DNAH11: variants seen among roughly 807,000 people sequenced by gnomAD.
DNAH11 encodes dynein axonemal heavy chain 11.
A neutral mutation model predicts 526.0 loss-of-function variants in DNAH11; 442 were observed. That is an observed-to-expected ratio of 0.84 (90% CI 0.78 to 0.91). The LOEUF (loss-of-function observed/expected upper bound fraction) is 0.91, where lower values mean the gene tolerates loss of function less well. DNAH11 is among the 40% of genes least tolerant of loss of function. DNAH11 has a pLI of 0.00. For missense variants in DNAH11, 6,989 were observed against 5,448.7 expected, an observed-to-expected ratio of 1.28 and a Z score of -8.90; for synonymous variants, 2,461 against 1,935.9, an observed-to-expected ratio of 1.27 and a Z score of -7.12.
chr7:21,727,011 G>A (rs1353862860), intron 45 of DNAH11, among the ~76,000 whole-genome samples: 1 of 115,342 alleles, frequency 8.7e-6, no homozygotes, highest in African/African-American at 3.5e-5. Context: ...TCGGCTCACC[G>A]CAAGATCCAC....
At chr7:21,806,900 G>T (rs1789285942) in intron 62 of DNAH11, among the ~76,000 whole-genome samples, 1 of 152,090 alleles carries the variant, frequency 6.6e-6, no homozygotes, top group South Asian at 2.1e-4. Context: ...CATTCTTGGG[G>T]AGTATTGTGA....
At chr7:21,610,068 C>G (rs1273144044) in intron 20 of DNAH11, among the ~76,000 whole-genome samples, 1 of 152,126 alleles carries the variant, frequency 6.6e-6, no homozygotes. Context: ...TCCTGGCTAA[C>G]ACAGTGAAAC....
chr7:21,785,859 C>T (rs1788152820), intron 58 of DNAH11, among the ~76,000 whole-genome samples: 1 of 152,200 alleles, frequency 6.6e-6, no homozygotes, highest in Non-Finnish European at 1.5e-5. Flanking sequence ...TCAGGTTCAA[C>T]ATTTGATAAG....
In DNAH11 at chr7:21,848,624, GCT is replaced by G. The variant is rs1349378429; in HGVS notation, c.10897-3832_10897-3831del. Among the ~76,000 whole-genome samples, 15 of 148,952 alleles carry G rather than the reference GCT, an allele frequency of 1.0e-4. 1 individual carries two copies. In the Middle Eastern group the frequency reaches 0.011, roughly 112 times the overall value. ...ATATATTGGGTGCTCACTCTCACTCGCTCTCTCTCTCTGTATATATAGCTGTA... is the reference window on the plus strand; with the variant it reads ...ATATATTGGGTGCTCACTCTCACTCGCTCTCTCTCTGTATATATAGCTGTA... On this transcript the variant is annotated intron_variant, in intron 66 of 81. Transcript: ENST00000409508.
chr7:21,601,652 T>C, intron 18 of DNAH11, 34 bp downstream of exon 18: 1 of 1,441,346 alleles, frequency 6.9e-7, no homozygotes, highest in Non-Finnish European at 9.3e-7. Context: ...ATAATTACCA[T>C]AAATTGAGCA....
Position 21,742,124 on chromosome 7 carries a change from C to A in DNAH11, c.8112C>A (p.Phe2704Leu). 5 of 1,613,824 alleles carry A rather than the reference C, an allele frequency of 3.1e-6. No homozygotes were observed. The highest frequency in any genetic ancestry group is 4.2e-6 in the Non-Finnish European group (5 of 1,179,802). ...ACTTTTTACCCACGGCTATTAAATT[C>A]CACTACATCTTTAATCTGAGAGATT... ...MCNFLPTAIK[F>L]HYIFNLRDLS... Residue 2704 changes from phenylalanine to leucine, a missense_variant, in exon 49 of 82, where the codon TTC becomes TTA. By Grantham distance (22) the Phe-to-Leu change is conservative (BLOSUM62 0). Coordinates refer to ENST00000409508, the MANE Select transcript of DNAH11 (RefSeq NM_001277115.2).
intron 61 of DNAH11, among the ~76,000 whole-genome samples, chr7:21,796,090 T>C (rs997063132): frequency 1.2e-4 from 19 of 152,108 alleles, no homozygotes; most frequent in African/African-American, 4.3e-4. Flanking sequence ...AGGTGTTGGT[T>C]AAGAGGTAAG....
At chr7:21,786,574 G>T (rs1343003161) in intron 58 of DNAH11, 50 bp from the exon 59 acceptor site, 4 of 1,541,462 alleles carry the variant, frequency 2.6e-6, no homozygotes, top group Non-Finnish European at 3.5e-6. Context: ...AGCTTCTCCA[G>T]ACTTCCGCTA....
Position 21,544,469 on chromosome 7 carries a change from C to T in DNAH11, c.352-537C>T, listed in dbSNP as rs17144611. ...AAAATAAGTTTGTCAGTAGACAAGG[C>T]GATAGAACACAACTCTAGTATTACC... On this transcript the variant is annotated intron_variant, in intron 1 of 81. Transcript: ENST00000409508. Among the ~76,000 whole-genome samples the T allele has an allele frequency of 4.0e-3, 612 of 152,114 alleles. 2 individuals carry two copies. Among genetic ancestry groups the T allele is most frequent in the African/African-American group, 0.014 (586 of 41,498 alleles).
chr7:21,871,925 A>G (rs1428975768), intron 73 of DNAH11, among the ~76,000 whole-genome samples: 1 of 151,818 alleles, frequency 6.6e-6, no homozygotes, highest in African/African-American at 2.4e-5. Flanking sequence ...GATCGAGACC[A>G]TCCTGGCTAA....
At chr7:21,650,543 C>CT (rs573023157) in intron 28 of DNAH11, among the ~76,000 whole-genome samples, 4,649 of 136,654 alleles carry the variant, frequency 0.034, 170 homozygotes, top group African/African-American at 0.09. Context: ...TCTAGAAGGC[C>CT]TTTTTTTTTT....
chr7:21,706,820 A>G (rs1784281961), intron 39 of DNAH11, among the ~76,000 whole-genome samples: 1 of 152,230 alleles, frequency 6.6e-6, no homozygotes, highest in Non-Finnish European at 1.5e-5. Flanking sequence ...GTAGGTCAGC[A>G]TGATAAATAT....
chr7:21,899,449 G>A lies in DNAH11; in HGVS notation c.13162+1G>A, dbSNP rs751426263. 2.5e-6 allele frequency: 4 copies of A among 1,611,642 alleles called. No homozygotes were observed. Among genetic ancestry groups the A allele is most frequent in the Non-Finnish European group, 8.5e-7 (1 of 1,177,960 alleles). On this transcript the variant is annotated splice_donor_variant, in intron 80 of 81. Transcript: ENST00000409508. LOFTEE classifies it high-confidence loss of function. ...TTCAACCCTCAGTCCTTCTTAACTG[G>A]TAAGGGCTGACGCAGTGCAGCCCCT...
Position 21,638,974 on chromosome 7 carries a change from T to A in DNAH11, c.4853T>A (p.Leu1618Gln). 6.2e-7 allele frequency: 1 copy of A among 1,613,228 alleles called. No homozygotes were observed. The highest frequency in any genetic ancestry group is 8.5e-7 in the Non-Finnish European group (1 of 1,179,646). The part of the protein sequence containing the change: ...SLCEKALAEY[L>Q]ETKRIAFPRF... Reference sequence around the variant, plus strand: ...TGTGAAAAAGCTCTCGCTGAATACCTGGAAACCAAGCGCATAGCCTTTCCT... The same window carrying A: ...TGTGAAAAAGCTCTCGCTGAATACCAGGAAACCAAGCGCATAGCCTTTCCT... Residue 1618 changes from leucine to glutamine, a missense_variant, in exon 28 of 82, where the codon CTG becomes CAG. Leu to Gln is a moderately radical substitution (Grantham distance 113). Coordinates refer to ENST00000409508, the MANE Select transcript of DNAH11 (RefSeq NM_001277115.2).
chr7:21,578,358 C>G (rs184109505), intron 8 of DNAH11, among the ~76,000 whole-genome samples: 1 of 152,224 alleles, frequency 6.6e-6, no homozygotes, highest in Non-Finnish European at 1.5e-5. Context: ...TCTTAAAGCT[C>G]CAAAATAATC....
At chr7:21,801,736 G>C (rs1270015505) in intron 62 of DNAH11, among the ~76,000 whole-genome samples, 1 of 152,126 alleles carries the variant, frequency 6.6e-6, no homozygotes, top group East Asian at 1.9e-4. Flanking sequence ...TGAACTGTTT[G>C]TTGTCTGATC....
At chr7:21,735,524 G>A (rs67429456) in intron 45 of DNAH11, 116 bp from the exon 46 acceptor site, 26,780 of 855,324 alleles carry the variant, frequency 0.031, 588 homozygotes, top group Middle Eastern at 0.08. Flanking sequence ...TGAATTATTT[G>A]GATTTCAATT....
At chr7:21,561,219 G>C (rs1250519335) in intron 5 of DNAH11, 49 bp downstream of exon 5, 15 of 1,371,722 alleles carry the variant, frequency 1.1e-5, no homozygotes, top group Non-Finnish European at 1.5e-5. Flanking sequence ...ATCTGCTCAT[G>C]ATCCAGCCCC....
rs564860868 is a variant in DNAH11 at position 21,806,591 on chromosome 7, G to A, written c.10166-1292G>A. 5.3e-5 allele frequency among the ~76,000 whole-genome samples: 8 copies of A among 152,232 alleles called. No homozygotes were observed. The East Asian group carries it at 5.8e-4, about 11-fold the overall frequency. On this transcript the variant is annotated intron_variant, in intron 62 of 81. Coordinates refer to ENST00000409508, the MANE Select transcript of DNAH11 (RefSeq NM_001277115.2). ...AACTGGCATTCCAATCCATTCTGAC[G>A]TCATTTTTGTTTTCTGTGGTCAATC...
Sources: gnomAD v4.1 joint callset for allele counts (sites outside exome capture counted in the v4.1 genomes callset) on GRCh38, gnomAD v4.1.1 for gene constraint, MANE v1.5 for transcripts, NCBI Gene and HGNC (gene_info 2026-07-23, HGNC 2026-07-21) for gene names.